The following CPA5 variants were observed in gnomAD, a reference collection of about 807,000 sequenced individuals.
The protein encoded by CPA5 is testicular tissue protein Li 32.
In CPA5, 38 loss-of-function variants were observed where a neutral mutation model predicts 52.2. The observed-to-expected ratio is 0.73, with a 90% CI of 0.56 to 0.95. The LOEUF is 0.95. CPA5 is among the 40% of genes least tolerant of loss of function. The probability of loss-of-function intolerance (pLI) is 0.00; values close to 1 mark genes in which losing one functional copy is unlikely to be tolerated. For synonymous variants in CPA5, 198 were observed against 213.7 expected (o/e 0.93, Z 0.64); for missense variants, 519 against 566.7 (o/e 0.92, Z 0.86).
At chr7:130,354,637 C>A (rs1795368731) in intron 5 of CPA5, among the ~76,000 whole-genome samples, 2 of 152,206 alleles carry the variant, frequency 1.3e-5, no homozygotes, top group South Asian at 2.1e-4. Context: ...TGGTCCCAAA[C>A]TCCTGGCCTC....
Position 130,362,498 on chromosome 7 carries a change from G to T in CPA5, c.595G>T (p.Glu199Ter). 3 of 1,613,806 alleles carry T rather than the reference G, an allele frequency of 1.9e-6. No homozygotes were observed. Among genetic ancestry groups the T allele is most frequent in the Non-Finnish European group, 2.5e-6 (3 of 1,179,790 alleles). ...GATTGACACTGGAATTCACTCCCGG[G>T]AGTGGATCACCCATGCCACCGGCAT... The part of the protein sequence containing the change: ...IWIDTGIHSR[E>*]WITHATGIWT... The change falls in exon 8 of 13, where the codon GAG (glutamate) becomes TAG (stop). Residue 199 changes from glutamate (E) to a stop codon, truncating the protein, a stop_gained. Transcript: ENST00000474905. LOFTEE classifies it high-confidence loss of function.
intron 6 of CPA5, among the ~76,000 whole-genome samples, 169 bp downstream of exon 6, chr7:130,359,856 T>C (rs1353745830): frequency 6.6e-6 from 1 of 152,156 alleles, no homozygotes; most frequent in Non-Finnish European, 1.5e-5. Flanking sequence ...CAGAGAGTCA[T>C]ATTCAAAGAG....
chr7:130,367,770 C>A, intron 11 of CPA5, 136 bp from the exon 12 acceptor site: 1 of 872,490 alleles, frequency 1.1e-6, no homozygotes, highest in Non-Finnish European at 1.9e-6. Flanking sequence ...GCTGTGCTCC[C>A]TTCTCACAAG....
rs529237680 is a variant in CPA5, at chr7:130,345,825, A to T, written c.-151-14A>T. On this transcript the variant is annotated splice_polypyrimidine_tract_variant and intron_variant, in intron 1 of 12. Transcript: ENST00000474905. ...GTTAATGCCTTTTGAATAATAATAC[A>T]TTGCATTTTGCAGGCTTTACCAAGC... The T allele has an allele frequency of 2.6e-5, 4 of 152,180 alleles. No homozygotes were observed. Among genetic ancestry groups the T allele is most frequent in the Non-Finnish European group, 5.9e-5 (4 of 68,038 alleles). The allele number at this position is 152,180 out of a possible 1,614,324, so 9.4% of individuals were successfully genotyped here. A position where few individuals can be genotyped will look rare whatever the true frequency, so the allele number is the denominator to read the frequency against.
chr7:130,369,066 G>A (rs1005734337), downstream of CPA5, among the ~76,000 whole-genome samples: 5 of 152,186 alleles, frequency 3.3e-5, no homozygotes, highest in Admixed American at 3.3e-4. Context: ...CTCTGCCTCG[G>A]TTGGCTTCAC....
At position 130,347,855 on chromosome 7, in the gene CPA5, C is replaced by T; in HGVS notation, c.198+8C>T. 1.9e-6 allele frequency: 3 copies of T among 1,612,112 alleles called. No homozygotes were observed. Among genetic ancestry groups the T allele is most frequent in the Non-Finnish European group, 2.5e-6 (3 of 1,178,392 alleles). ...GGCCTGAAACCCCAGAAGGTGAGGACTCCTCAGGCTTGAGGACAACCCCAC... is the reference window on the plus strand; with the variant it reads ...GGCCTGAAACCCCAGAAGGTGAGGATTCCTCAGGCTTGAGGACAACCCCAC... On this transcript the variant is annotated splice_region_variant and intron_variant, in intron 4 of 12. Transcript: ENST00000474905.
the CPA5 span, among the ~76,000 whole-genome samples, chr7:130,373,896 G>A: frequency 6.6e-6 from 1 of 152,232 alleles, no homozygotes; most frequent in East Asian, 1.9e-4. Context: ...TTTGGGAAAC[G>A]TGTTATCATT....
downstream of CPA5, among the ~76,000 whole-genome samples, chr7:130,371,465 C>A (rs1194836922): frequency 2.6e-5 from 4 of 152,168 alleles, no homozygotes; most frequent in African/African-American, 9.7e-5. Flanking sequence ...CAAGGCTCTG[C>A]AGGATCAGGG....
chr7:130,365,611 A>G (rs1310589564), intron 10 of CPA5, among the ~76,000 whole-genome samples: 2 of 152,276 alleles, frequency 1.3e-5, no homozygotes, highest in Non-Finnish European at 2.9e-5. Context: ...GCGGACTCAG[A>G]GGACCTTGAC....
At chr7:130,368,806 C>T (rs1437612534), downstream of CPA5, 12 of 571,998 alleles carry the variant, frequency 2.1e-5, no homozygotes, top group Non-Finnish European at 2.8e-5. Flanking sequence ...CTTCTCATTC[C>T]GCAGGGGAGC....
At chr7:130,356,529 A>C (rs1795486282) in intron 5 of CPA5, among the ~76,000 whole-genome samples, 2 of 152,200 alleles carry the variant, frequency 1.3e-5, no homozygotes, top group African/African-American at 4.8e-5. Context: ...TGCATTTTCC[A>C]GGCCAAGGCA....
chr7:130,350,934 G>A (rs1015067770), intron 5 of CPA5, among the ~76,000 whole-genome samples: 2 of 152,174 alleles, frequency 1.3e-5, no homozygotes, highest in South Asian at 2.1e-4. Flanking sequence ...GCTGCTGGCC[G>A]TGTACCTGTG....
chr7:130,348,493 A>G (rs781906954), intron 4 of CPA5, among the ~76,000 whole-genome samples: 60 of 152,174 alleles, frequency 3.9e-4, no homozygotes, highest in Non-Finnish European at 7.6e-4. Context: ...TTACTAATTG[A>G]AAAATAGGCA....
chr7:130,361,209 AACAGCT>A lies in CPA5; in HGVS notation c.500_505del (p.Asn167_Phe169delinsIle), dbSNP rs782295137. The A allele has an allele frequency of 1.2e-6, 2 of 1,614,114 alleles. No individual in the cohort carries two copies. The highest frequency in any genetic ancestry group is 1.7e-6 in the Non-Finnish European group (2 of 1,179,930). On this transcript the variant is annotated inframe_deletion, in exon 7 of 13. Coordinates refer to ENST00000474905, the MANE Select transcript of CPA5 (RefSeq NM_080385.5). ...TATTGTCTCAAAAATTCAGATTGGC[AACAGCT>A]TTGAAAACCAGTCCATTCTTGTCCT...
At chr7:130,369,566 C>A (rs1484309370), downstream of CPA5, among the ~76,000 whole-genome samples, 2 of 152,130 alleles carry the variant, frequency 1.3e-5, no homozygotes, top group Admixed American at 1.3e-4. Context: ...AAGTCTGAGG[C>A]AGAAACATTA....
At chr7:130,352,147 T>C (rs1795187705) in intron 5 of CPA5, among the ~76,000 whole-genome samples, 1 of 152,094 alleles carries the variant, frequency 6.6e-6, no homozygotes, top group Non-Finnish European at 1.5e-5. Flanking sequence ...ATGCTGGTTT[T>C]TACTTTGGCC....
intron 5 of CPA5, among the ~76,000 whole-genome samples, chr7:130,358,040 A>G (rs1230817900): frequency 4.0e-5 from 6 of 150,936 alleles, no homozygotes; most frequent in African/African-American, 1.5e-4. Context: ...GTACAGTGGT[A>G]CGATCATAAC....
Position 130,367,499 on chromosome 7 carries a change from C to G in CPA5, c.966C>G (p.Ile322Met), listed in dbSNP as rs1554408855. The stretch of plus-strand genomic sequence containing the variant: ...GCAACTTCAAGGCTCTGATCTCCAT[C>G]CACAGCTACTCTCAGATGCTTATGT... ...AHGNFKALIS[I>M]HSYSQMLMYP... The change falls in exon 11 of 13, where the codon ATC (isoleucine) becomes ATG (methionine). Residue 322 changes from isoleucine (I) to methionine (M), a missense_variant. By Grantham distance (10) the Ile-to-Met change is conservative. Transcript: ENST00000474905. The G allele has an allele frequency of 1.2e-6, 2 of 1,614,148 alleles. No individual in the cohort carries two copies. Among genetic ancestry groups the G allele is most frequent in the Admixed American group, 1.7e-5 (1 of 60,016 alleles).
chr7:130,365,194 G>T (rs1301323247), intron 10 of CPA5, among the ~76,000 whole-genome samples: 1 of 152,188 alleles, frequency 6.6e-6, no homozygotes, highest in Admixed American at 6.5e-5. Flanking sequence ...GGTTGTAACT[G>T]CTTGTGTAAT....
Sources: allele counts gnomAD v4.1 joint callset (sites outside exome capture counted in the v4.1 genomes callset), GRCh38; gene constraint gnomAD v4.1.1; transcripts MANE v1.5; gene names NCBI Gene and HGNC (gene_info 2026-07-23, HGNC 2026-07-21).